WDR27: variants seen among roughly 807,000 people sequenced by gnomAD.
WDR27 encodes the protein WD repeat-containing protein 27.
Under a neutral mutation model 114.4 loss-of-function variants are expected in WDR27, and 100 were observed. The ratio of observed to expected loss-of-function variants is 0.87; its 90% confidence interval spans 0.74 to 1.03. The LOEUF (loss-of-function observed/expected upper bound fraction) is 1.03. Among genes scored for constraint, WDR27 ranks in the 50% least tolerant of loss-of-function variants. The pLI is 0.00. For synonymous variants in WDR27, 449 were observed against 423.1 expected (o/e 1.06, Z -0.75); for missense variants, 1,129 against 1,092.9 (o/e 1.03, Z -0.47).
chr6:169,649,956 C>T (rs1477261467), intron 14 of WDR27, among the ~76,000 whole-genome samples: 2 of 149,558 alleles, frequency 1.3e-5, no homozygotes, highest in Non-Finnish European at 3.0e-5. Flanking sequence ...CCTCCATCCC[C>T]CACCATCCAT....
chr6:169,466,962 A>G (rs557196024), intron 25 of WDR27, among the ~76,000 whole-genome samples: 1 of 152,308 alleles, frequency 6.6e-6, no homozygotes, highest in Non-Finnish European at 1.5e-5. Context: ...CCCAGACCCA[A>G]TGGGAGTATA....
chr6:169,677,493 ATT>A (rs200410411), intron 2 of WDR27, among the ~76,000 whole-genome samples: 2,413 of 152,382 alleles, frequency 0.016, 28 homozygotes, highest in Non-Finnish European at 0.025. Flanking sequence ...TGGAATTTAT[ATT>A]TAAAAGGAAA....
intron 21 of WDR27, among the ~76,000 whole-genome samples, chr6:169,616,160 GC>G (rs1811785304): frequency 6.6e-6 from 1 of 152,074 alleles, no homozygotes; most frequent in African/African-American, 2.4e-5. Context: ...CTAATAACAT[GC>G]CCTTCAAATA....
In WDR27 at chr6:169,614,108, C is replaced by T. The variant is rs535766207; in HGVS notation, c.2224-452G>A. ...CGATGACTATGTGGGTGAACTCCCA[C>T]GGGGCCTCGAGTCCCGGCCCTGACT... is the stretch of plus-strand genomic sequence containing the variant. On this transcript the variant is annotated intron_variant, in intron 21 of 25. Transcript: ENST00000448612. 3.8e-4 allele frequency among the ~76,000 whole-genome samples: 58 copies of T among 152,282 alleles called. No individual in the cohort carries two copies. In the South Asian group the frequency reaches 0.011, roughly 28 times the overall value.
intron 17 of WDR27, among the ~76,000 whole-genome samples, chr6:169,639,773 C>G (rs1224484672): frequency 6.6e-6 from 1 of 152,196 alleles, no homozygotes; most frequent in South Asian, 2.1e-4. Context: ...GTTTCTGGAC[C>G]TGTCTTGCCT....
At chr6:169,655,314 G>A (rs575364516) in intron 13 of WDR27, among the ~76,000 whole-genome samples, 2 of 152,366 alleles carry the variant, frequency 1.3e-5, no homozygotes, top group African/African-American at 2.4e-5. Context: ...GCCATGTGGG[G>A]AACCCCGAGC....
intron 25 of WDR27, among the ~76,000 whole-genome samples, chr6:169,567,047 C>T (rs1341836918): frequency 2.0e-5 from 3 of 152,216 alleles, no homozygotes; most frequent in Non-Finnish European, 2.9e-5. Context: ...AGGCCAACAA[C>T]GATGTCTGCG....
the WDR27 span, among the ~76,000 whole-genome samples, chr6:169,452,049 A>G: frequency 6.6e-6 from 1 of 152,248 alleles, no homozygotes; most frequent in Admixed American, 6.5e-5. Context: ...TAGCTATTCC[A>G]AAATGTTTTT....
At chr6:169,654,923 C>T (rs1823699276) in intron 13 of WDR27, among the ~76,000 whole-genome samples, 1 of 152,258 alleles carries the variant, frequency 6.6e-6, no homozygotes, top group South Asian at 2.1e-4. Flanking sequence ...AGTGACAGTG[C>T]GGGATCATCA....
At chr6:169,572,195 T>C (rs186241183) in intron 25 of WDR27, among the ~76,000 whole-genome samples, 3 of 152,260 alleles carry the variant, frequency 2.0e-5, no homozygotes, top group East Asian at 1.9e-4. Context: ...AGGTAAAACA[T>C]TGAGTCTGAA....
downstream of WDR27, among the ~76,000 whole-genome samples, chr6:169,456,307 T>G (rs1784342024): frequency 6.6e-6 from 1 of 152,124 alleles, no homozygotes; most frequent in Admixed American, 6.5e-5. The surrounding 1 kb of genome is among the most constrained non-coding windows in gnomAD (Gnocchi z 4.0). Context: ...GTCAACCCTG[T>G]GACATTTCTT....
intron 25 of WDR27, among the ~76,000 whole-genome samples, chr6:169,516,785 T>TC: frequency 9.1e-5 from 5 of 54,868 alleles, no homozygotes; most frequent in Admixed American, 1.6e-4. Context: ...AAAGGCATGC[T>TC]CCAACACACA....
chr6:169,455,505 A>T (rs1051155751), downstream of WDR27, among the ~76,000 whole-genome samples: 40 of 152,374 alleles, frequency 2.6e-4, no homozygotes, highest in Non-Finnish European at 5.1e-4. Context: ...AATAGTACAG[A>T]TAAAAAATAA....
At chr6:169,472,269 T>A (rs2115336848) in intron 25 of WDR27, among the ~76,000 whole-genome samples, 1 of 152,310 alleles carries the variant, frequency 6.6e-6, no homozygotes, top group East Asian at 1.9e-4. Flanking sequence ...GATACATACA[T>A]ACATAAAATG....
chr6:169,502,658 C>G (rs192882180), intron 25 of WDR27, among the ~76,000 whole-genome samples: 1 of 152,150 alleles, frequency 6.6e-6, no homozygotes. Flanking sequence ...TCGTCTCACT[C>G]CCCGGCGCTC....
the WDR27 span, among the ~76,000 whole-genome samples, chr6:169,450,990 G>C: frequency 6.6e-6 from 1 of 152,160 alleles, no homozygotes; most frequent in African/African-American, 2.4e-5. Flanking sequence ...GCTGGGAGCT[G>C]CCTCCCATCC....
intron 1 of WDR27, among the ~76,000 whole-genome samples, chr6:169,699,085 A>G (rs907316502): frequency 6.6e-6 from 1 of 152,226 alleles, no homozygotes; most frequent in South Asian, 2.1e-4. Context: ...AATAACGCAG[A>G]AAACTTACCA....
intron 22 of WDR27, 99 bp downstream of exon 22, chr6:169,613,460 G>C (rs2128186658): frequency 2.0e-6 from 2 of 1,016,414 alleles, no homozygotes; most frequent in East Asian, 2.5e-5. Flanking sequence ...AGTGTGCACA[G>C]ATTAACCACA....
chr6:169,450,491 AC>A, the WDR27 span, among the ~76,000 whole-genome samples: 1 of 152,246 alleles, frequency 6.6e-6, no homozygotes, highest in African/African-American at 2.4e-5. Context: ...CCCAACCACC[AC>A]TGCTGGAAAT....
Sources: allele counts gnomAD v4.1 joint callset (sites outside exome capture counted in the v4.1 genomes callset), GRCh38; gene constraint gnomAD v4.1.1; non-coding constraint Gnocchi (gnomAD v3.1); transcripts MANE v1.5; gene names NCBI Gene and HGNC (gene_info 2026-07-23, HGNC 2026-07-21).